The following CREB5 variants were observed in gnomAD, a reference collection of about 807,000 sequenced individuals.
CREB5 encodes cyclic AMP-responsive element-binding protein 5.
A neutral mutation model predicts 57.1 loss-of-function variants in CREB5; 19 were observed. The ratio of observed to expected loss-of-function variants is 0.33; its 90% CI spans 0.23 to 0.49. The LOEUF (loss-of-function observed/expected upper bound fraction) is 0.49. CREB5 is among the 20% of genes least tolerant of loss of function. The probability of loss-of-function intolerance (pLI) is 0.99; values close to 1 mark genes in which losing one functional copy is unlikely to be tolerated. For synonymous variants in CREB5, 238 were observed against 238.3 expected, an observed-to-expected ratio of 1.00 and a Z score of 0.01; for missense variants, 579 against 671.6, an observed-to-expected ratio of 0.86 and a Z score of 1.52.
At chr7:28,719,247 ATAAT>A (rs1280194799) in intron 6 of CREB5, among the ~76,000 whole-genome samples, 1 of 97,850 alleles carries the variant, frequency 1.0e-5, no homozygotes, top group Non-Finnish European at 2.3e-5. Flanking sequence ...AGGACTCAGG[ATAAT>A]AACTATAATA....
chr7:28,502,057 T>G (rs116834091), intron 3 of CREB5, among the ~76,000 whole-genome samples: 2 of 152,154 alleles, frequency 1.3e-5, no homozygotes, highest in Admixed American at 1.3e-4. Context: ...ATTCCATGTC[T>G]GTTGCTTAAA....
intron 5 of CREB5, among the ~76,000 whole-genome samples, chr7:28,640,675 T>C (rs1798620273): frequency 6.6e-6 from 1 of 152,072 alleles, no homozygotes; most frequent in African/African-American, 2.4e-5. Context: ...TGGAAGAAAA[T>C]GAGCCTGGGA....
intron 1 of CREB5, among the ~76,000 whole-genome samples, chr7:28,330,604 A>G (rs529425743): frequency 6.7e-6 from 1 of 149,844 alleles, no homozygotes; most frequent in East Asian, 2.0e-4. Context: ...TTTGCAAAAC[A>G]GAATAGTGAA....
chr7:28,748,606 T>C (rs1011206442), intron 7 of CREB5, among the ~76,000 whole-genome samples: 1 of 152,228 alleles, frequency 6.6e-6, no homozygotes, highest in Admixed American at 6.5e-5. Context: ...ACCTTCATCC[T>C]TGAGAAGAGA....
At chr7:28,737,575 ATATATATAT>A (rs1562606802) in intron 7 of CREB5, among the ~76,000 whole-genome samples, 3,397 of 36,788 alleles carry the variant, frequency 0.092, 176 homozygotes, top group Non-Finnish European at 0.12. Context: ...ATATATATAT[ATATATATAT>A]ATATTTTTAA....
chr7:28,713,814 A>G (rs1355885193), intron 5 of CREB5, among the ~76,000 whole-genome samples: 1 of 152,180 alleles, frequency 6.6e-6, no homozygotes, highest in Non-Finnish European at 1.5e-5. Flanking sequence ...CCCCCAGTCA[A>G]TAACTTTAAT....
chr7:28,682,800 C>T (rs1800670356), intron 5 of CREB5, among the ~76,000 whole-genome samples: 1 of 152,102 alleles, frequency 6.6e-6, no homozygotes, highest in South Asian at 2.1e-4. Flanking sequence ...AAAAGGTCTA[C>T]TCTAGTTGGC....
At chr7:28,648,059 C>T (rs1212223937) in intron 5 of CREB5, among the ~76,000 whole-genome samples, 10 of 152,126 alleles carry the variant, frequency 6.6e-5, no homozygotes, top group East Asian at 5.8e-4. Context: ...AGCATCATAG[C>T]GCAGAGTTGG....
intron 5 of CREB5, among the ~76,000 whole-genome samples, chr7:28,676,527 A>G (rs1408249245): frequency 6.6e-6 from 1 of 152,136 alleles, no homozygotes; most frequent in Non-Finnish European, 1.5e-5. Flanking sequence ...GGGTCTGTGG[A>G]TAGACTGGCC....
At chr7:28,690,101 T>C (rs796814389) in intron 5 of CREB5, among the ~76,000 whole-genome samples, 43 of 152,132 alleles carry the variant, frequency 2.8e-4, no homozygotes, top group African/African-American at 9.4e-4. Flanking sequence ...CTAATGCCCT[T>C]GCCTGTCAGT....
At chr7:28,812,979 C>T (rs937919387) in intron 9 of CREB5, among the ~76,000 whole-genome samples, 2 of 152,148 alleles carry the variant, frequency 1.3e-5, no homozygotes, top group South Asian at 4.1e-4. Flanking sequence ...AAAAACCAGA[C>T]CTAAGAAAAC....
intron 1 of CREB5, among the ~76,000 whole-genome samples, chr7:28,459,188 CTG>C (rs368206072): frequency 1.3e-5 from 2 of 152,056 alleles, no homozygotes; most frequent in African/African-American, 2.4e-5. Context: ...GGTCACGCTC[CTG>C]TGTGTGTGTG....
intron 1 of CREB5, among the ~76,000 whole-genome samples, chr7:28,443,735 C>T (rs1338502704): frequency 6.6e-6 from 1 of 152,232 alleles, no homozygotes; most frequent in Non-Finnish European, 1.5e-5. Context: ...CCTCCTCAGC[C>T]ACTGTCTCAT....
At chr7:28,312,742 A>G (rs1454742958) in intron 1 of CREB5, among the ~76,000 whole-genome samples, 1 of 152,112 alleles carries the variant, frequency 6.6e-6, no homozygotes. Context: ...AGTCCCAGGT[A>G]TTGGTATTTT....
intron 1 of CREB5, among the ~76,000 whole-genome samples, chr7:28,318,910 A>C (rs1785434703): frequency 6.6e-6 from 1 of 152,212 alleles, no homozygotes; most frequent in Non-Finnish European, 1.5e-5. Flanking sequence ...AAAGTACCAG[A>C]AAAGTCCTCC....
intron 5 of CREB5, among the ~76,000 whole-genome samples, chr7:28,622,793 A>C (rs1302840736): frequency 6.6e-6 from 1 of 152,054 alleles, no homozygotes; most frequent in African/African-American, 2.4e-5. Context: ...GGCCGAGGCA[A>C]AAGGATCACT....
At chr7:28,732,980 T>A (rs746800004) in intron 7 of CREB5, among the ~76,000 whole-genome samples, 2 of 152,172 alleles carry the variant, frequency 1.3e-5, no homozygotes, top group Non-Finnish European at 2.9e-5. Flanking sequence ...AAATGATTGT[T>A]GTATTGCTGT....
At chr7:28,405,269 A>G (rs926281630) in intron 1 of CREB5, among the ~76,000 whole-genome samples, 1 of 152,180 alleles carries the variant, frequency 6.6e-6, no homozygotes, top group African/African-American at 2.4e-5. Flanking sequence ...CCCTTTCCCC[A>G]TCACTGTTAA....
At chr7:28,751,596 A>T (rs1804977199) in intron 7 of CREB5, among the ~76,000 whole-genome samples, 1 of 152,188 alleles carries the variant, frequency 6.6e-6, no homozygotes, top group Non-Finnish European at 1.5e-5. Context: ...TAATGTTGTC[A>T]TTGTTTTATT....
Sources: gnomAD v4.1 joint callset for allele counts (sites outside exome capture counted in the v4.1 genomes callset) on GRCh38, gnomAD v4.1.1 for gene constraint, MANE v1.5 for transcripts, NCBI Gene and HGNC (gene_info 2026-07-23, HGNC 2026-07-21) for gene names.